SPTSSB: variants seen among roughly 807,000 people sequenced by gnomAD.
SPTSSB encodes the protein serine palmitoyltransferase small subunit B, also known as androgen down regulated in mouse prostate.
Under a neutral mutation model 7.7 loss-of-function variants are expected in SPTSSB, and 6 were observed. That is an observed-to-expected ratio of 0.78 (90% confidence interval 0.43 to 1.54). The LOEUF (loss-of-function observed/expected upper bound fraction) is 1.54, where lower values mean the gene tolerates loss of function less well. Among genes scored for constraint, SPTSSB ranks in the 40% most tolerant of loss-of-function variants. SPTSSB has a pLI of 0.01. For missense variants in SPTSSB, 91 were observed against 93.0 expected (o/e 0.98, Z 0.09); for synonymous variants, 28 against 29.7 (o/e 0.94, Z 0.19).
rs571175570 is a variant in SPTSSB at position 161,371,478 on chromosome 3, G to A, written c.-169C>T. 15 of 985,500 alleles carry A rather than the reference G, an allele frequency of 1.5e-5. No homozygotes were observed. The South Asian group carries it at 4.7e-4, about 31-fold the overall frequency. The allele number at this position is 985,500 out of a possible 1,614,324, so 61.0% of individuals were successfully genotyped here. On this transcript the variant is annotated 5_prime_UTR_variant, in exon 1 of 3. Transcript: ENST00000620149. ...TCCCTGCGGCTTAGGTGAGCGCCGAGGCTTTGGCTCCTCCCCAGCTGCTGC... is the reference window on the plus strand; with the variant it reads ...TCCCTGCGGCTTAGGTGAGCGCCGAAGCTTTGGCTCCTCCCCAGCTGCTGC...
intron 1 of SPTSSB, 71 bp downstream of exon 1, chr3:161,371,364 C>T (rs1715501915): frequency 1.0e-6 from 1 of 954,658 alleles, no homozygotes; most frequent in Admixed American, 6.2e-5. Flanking sequence ...TTTTTTCCTC[C>T]TATAGAGACA....
intron 2 of SPTSSB, among the ~76,000 whole-genome samples, chr3:161,357,718 T>C (rs1714833935): frequency 6.6e-6 from 1 of 152,008 alleles, no homozygotes; most frequent in African/African-American, 2.4e-5. Context: ...CAACTGTTTT[T>C]AAAAGAGAGA....
In SPTSSB at chr3:161,348,398, T is replaced by C. The variant is rs1054305046; in HGVS notation, c.-32-2043A>G. Among the ~76,000 whole-genome samples, 3 of 152,242 alleles carry C rather than the reference T, an allele frequency of 2.0e-5. No homozygotes were observed. The East Asian group carries it at 5.8e-4, about 29-fold the overall frequency. ...TGCTTGGGCAGCCCTAGCCAACACC[T>C]TAATGATGGCCTTGAGAAAGACCCT... is the stretch of plus-strand genomic sequence containing the variant. On this transcript the variant is annotated intron_variant, in intron 2 of 2. Coordinates refer to ENST00000620149, the MANE Select transcript of SPTSSB (RefSeq NM_001040100.2).
At chr3:161,357,115 C>G (rs752181150) in intron 2 of SPTSSB, among the ~76,000 whole-genome samples, 5 of 152,150 alleles carry the variant, frequency 3.3e-5, no homozygotes, top group Admixed American at 6.5e-5. Flanking sequence ...CATTTCCCTG[C>G]TTGGTTGGTT....
chr3:161,363,426 C>A (rs1445708994), intron 1 of SPTSSB, among the ~76,000 whole-genome samples: 1 of 151,856 alleles, frequency 6.6e-6, no homozygotes, highest in Non-Finnish European at 1.5e-5. Flanking sequence ...ACTTTGCTGA[C>A]AACTTTAAGA....
intron 1 of SPTSSB, among the ~76,000 whole-genome samples, chr3:161,370,600 T>C (rs1435030276): frequency 6.6e-6 from 1 of 152,266 alleles, no homozygotes; most frequent in African/African-American, 2.4e-5. Flanking sequence ...AAATAAGTAC[T>C]GCACCACAAA....
At chr3:161,351,563 T>C (rs1428227285) in intron 2 of SPTSSB, among the ~76,000 whole-genome samples, 1 of 152,126 alleles carries the variant, frequency 6.6e-6, no homozygotes, top group African/African-American at 2.4e-5. Flanking sequence ...TCTTACATTG[T>C]GATCCATGGT....
rs980176363 is a variant in SPTSSB at position 161,345,218 on chromosome 3, G to T, written c.*875C>A. ...AACTGGAGCTGTTGAGTTCCTGCTG[G>T]TAGAATATTACTTCCAGCCTATTTA... is the stretch of plus-strand genomic sequence containing the variant. On this transcript the variant is annotated 3_prime_UTR_variant, in exon 3 of 3. Coordinates refer to ENST00000620149, the MANE Select transcript of SPTSSB (RefSeq NM_001040100.2). 3 of 152,538 alleles carry T rather than the reference G, an allele frequency of 2.0e-5. No individual in the cohort carries two copies. Among genetic ancestry groups the T allele is most frequent in the Admixed American group, 6.6e-5 (1 of 15,266 alleles). The allele number at this position is 152,538 out of a possible 1,614,324, so 9.4% of individuals were successfully genotyped here. A position where few individuals can be genotyped will look rare whatever the true frequency, so the allele number is the denominator to read the frequency against.
rs9836308 is a variant in SPTSSB, at chr3:161,352,032, C to G, written c.-32-5677G>C. ...TTTGTTGGATGGTGCTGTGGACTCT[C>G]CATCTGTTGCTTGCACTAATGAAAT... On this transcript the variant is annotated intron_variant, in intron 2 of 2. Transcript: ENST00000620149. Among the ~76,000 whole-genome samples the G allele has an allele frequency of 9.4e-3, 1,424 of 152,288 alleles. 34 individuals are homozygous for G. Among genetic ancestry groups the G allele is most frequent in the South Asian group, 0.014 (69 of 4,826 alleles).
At chr3:161,371,150 C>T (rs576054874) in intron 1 of SPTSSB, among the ~76,000 whole-genome samples, 1 of 152,252 alleles carries the variant, frequency 6.6e-6, no homozygotes, top group South Asian at 2.1e-4. Context: ...CGTTAATGGA[C>T]TACACGAAGG....
intron 1 of SPTSSB, among the ~76,000 whole-genome samples, chr3:161,365,218 C>A (rs1035786244): frequency 2.0e-5 from 3 of 152,200 alleles, no homozygotes; most frequent in African/African-American, 7.2e-5. Flanking sequence ...ACTTGTATAC[C>A]TGACAAATCA....
At chr3:161,360,936 T>C (rs1475652247) in intron 1 of SPTSSB, among the ~76,000 whole-genome samples, 1 of 152,220 alleles carries the variant, frequency 6.6e-6, no homozygotes, top group Non-Finnish European at 1.5e-5. Context: ...CGGTCCAATA[T>C]TCTTACATAT....
chr3:161,363,863 G>A (rs1379733467), intron 1 of SPTSSB, among the ~76,000 whole-genome samples: 1 of 151,840 alleles, frequency 6.6e-6, no homozygotes, highest in African/African-American at 2.4e-5. Flanking sequence ...AACATTTATT[G>A]GTCACTGCTA....
At chr3:161,370,168 G>A (rs910740093) in intron 1 of SPTSSB, among the ~76,000 whole-genome samples, 3 of 152,134 alleles carry the variant, frequency 2.0e-5, no homozygotes, top group Non-Finnish European at 1.5e-5. Context: ...ATTATAAAGG[G>A]CAGTTTTTAT....
At chr3:161,368,061 G>A (rs1715291896) in intron 1 of SPTSSB, among the ~76,000 whole-genome samples, 1 of 152,192 alleles carries the variant, frequency 6.6e-6, no homozygotes, top group Non-Finnish European at 1.5e-5. Context: ...GTTTGGGCAG[G>A]CATGTAAACA....
chr3:161,355,618 C>T (rs1418427934), intron 2 of SPTSSB, among the ~76,000 whole-genome samples: 1 of 152,110 alleles, frequency 6.6e-6, no homozygotes, highest in Non-Finnish European at 1.5e-5. Context: ...ATTTCACTTA[C>T]ATGAGGTATC....
At chr3:161,368,509 C>T (rs1166008088) in intron 1 of SPTSSB, among the ~76,000 whole-genome samples, 1 of 150,852 alleles carries the variant, frequency 6.6e-6, no homozygotes, top group Non-Finnish European at 1.5e-5. Flanking sequence ...TCACTGCAAG[C>T]TCCGCCTCCC....
chr3:161,356,346 T>TCTCTTC (rs1714768932), intron 2 of SPTSSB, among the ~76,000 whole-genome samples: 1 of 152,210 alleles, frequency 6.6e-6, no homozygotes, highest in Non-Finnish European at 1.5e-5. Context: ...TAAGCCTTTT[T>TCTCTTC]CTCTTCCCTA....
At chr3:161,360,455 TTCTC>T (rs1285045988) in intron 1 of SPTSSB, among the ~76,000 whole-genome samples, 1 of 152,212 alleles carries the variant, frequency 6.6e-6, no homozygotes, top group Non-Finnish European at 1.5e-5. Context: ...CATACAGTCT[TTCTC>T]AGTCTTTTTC....
Sources: allele counts gnomAD v4.1 joint callset (sites outside exome capture counted in the v4.1 genomes callset), GRCh38; gene constraint gnomAD v4.1.1; transcripts MANE v1.5; gene names NCBI Gene and HGNC (gene_info 2026-07-23, HGNC 2026-07-21).